TGM6: variants seen among roughly 807,000 people sequenced by gnomAD.
TGM6 encodes the protein protein-glutamine gamma-glutamyltransferase 6.
In TGM6, 74 loss-of-function variants were observed where a neutral mutation model predicts 77.5. The observed-to-expected ratio is 0.96, with a 90% confidence interval of 0.79 to 1.16. TGM6 has a LOEUF of 1.16. TGM6 is among the 50% of genes most tolerant of loss of function. TGM6 has a pLI of 0.00. For synonymous variants in TGM6, 383 were observed against 378.9 expected, an observed-to-expected ratio of 1.01 and a Z score of -0.12; for missense variants, 968 against 940.2, an observed-to-expected ratio of 1.03 and a Z score of -0.39.
At chr20:2,387,460 C>G (rs2084603870) in intron 1 of TGM6, among the ~76,000 whole-genome samples, 1 of 152,216 alleles carries the variant, frequency 6.6e-6, no homozygotes, top group Non-Finnish European at 1.5e-5. Context: ...TAGGAGCTCC[C>G]AATCTTGGGA....
intron 9 of TGM6, among the ~76,000 whole-genome samples, chr20:2,413,193 T>A (rs901853624): frequency 2.0e-5 from 3 of 152,188 alleles, no homozygotes; most frequent in Admixed American, 6.5e-5. Context: ...GGAGACTCCC[T>A]TCAGTTCAGG....
At position 2,420,994 on chromosome 20, in the gene TGM6, T is replaced by A. The variant is rs531594758; in HGVS notation, c.1678+3421T>A. Among the ~76,000 whole-genome samples, 48 of 152,200 alleles carry A rather than the reference T, an allele frequency of 3.2e-4. No individual in the cohort carries two copies. The South Asian group carries it at 8.9e-3, about 28-fold the overall frequency. Reference sequence around the variant, plus strand: ...GTGGGCTTGAGTTTTTAATTTTTTTTTTTTATTTTTTGAGACAGAGTCTCG... The same window carrying A: ...GTGGGCTTGAGTTTTTAATTTTTTTATTTTATTTTTTGAGACAGAGTCTCG... On this transcript the variant is annotated intron_variant, in intron 10 of 12. Coordinates refer to ENST00000202625, the MANE Select transcript of TGM6 (RefSeq NM_198994.3).
intron 7 of TGM6, among the ~76,000 whole-genome samples, chr20:2,402,839 T>TA (rs2084720745): frequency 6.6e-6 from 1 of 152,230 alleles, no homozygotes; most frequent in African/African-American, 2.4e-5. Flanking sequence ...ATCCCAGAGA[T>TA]ACTTAAATAC....
At chr20:2,397,260 G>A (rs577386635) in intron 4 of TGM6, among the ~76,000 whole-genome samples, 3 of 152,354 alleles carry the variant, frequency 2.0e-5, no homozygotes, top group East Asian at 1.9e-4. Flanking sequence ...AGAGCCGCAC[G>A]GACGTGGGAA....
At chr20:2,426,121 C>T (rs1217990249) in intron 10 of TGM6, among the ~76,000 whole-genome samples, 1 of 152,108 alleles carries the variant, frequency 6.6e-6, no homozygotes, top group African/African-American at 2.4e-5. Flanking sequence ...AATATTGAGC[C>T]TTTCTATCCA....
intron 1 of TGM6, among the ~76,000 whole-genome samples, chr20:2,393,750 C>T (rs2084643508): frequency 6.6e-6 from 1 of 152,044 alleles, no homozygotes; most frequent in South Asian, 2.1e-4. Context: ...TGGTCTCGAG[C>T]TCCTGAGCTT....
At chr20:2,413,112 A>G (rs1358315317) in intron 9 of TGM6, among the ~76,000 whole-genome samples, 2 of 152,192 alleles carry the variant, frequency 1.3e-5, no homozygotes, top group Non-Finnish European at 2.9e-5. Context: ...ATACTTCCCA[A>G]ATTCAAAACT....
intron 1 of TGM6, among the ~76,000 whole-genome samples, chr20:2,391,941 C>T (rs1361895740): frequency 6.6e-6 from 1 of 152,208 alleles, no homozygotes; most frequent in Non-Finnish European, 1.5e-5. Context: ...TGCCTAGCGC[C>T]ATAGCTGCTG....
intron 9 of TGM6, among the ~76,000 whole-genome samples, chr20:2,414,843 G>T (rs2084804268): frequency 6.8e-6 from 1 of 147,224 alleles, no homozygotes; most frequent in African/African-American, 2.5e-5. Flanking sequence ...AAATGTCCAG[G>T]ATAGGCAAAT....
At chr20:2,403,360 A>G (rs1289598289) in intron 7 of TGM6, 37 bp from the exon 8 acceptor site, 1 of 1,611,654 alleles carries the variant, frequency 6.2e-7, no homozygotes, top group South Asian at 1.1e-5. Context: ...CTATGCCCTC[A>G]CTCTAGGCAG....
At chr20:2,398,744 A>G (rs1398294418) in intron 5 of TGM6, among the ~76,000 whole-genome samples, 2 of 151,788 alleles carry the variant, frequency 1.3e-5, no homozygotes, top group Non-Finnish European at 2.9e-5. Flanking sequence ...ACATAGACCC[A>G]CCTCTCCGTG....
At chr20:2,414,761 C>T (rs1456330101) in intron 9 of TGM6, among the ~76,000 whole-genome samples, 1 of 152,076 alleles carries the variant, frequency 6.6e-6, no homozygotes, top group African/African-American at 2.4e-5. Flanking sequence ...ACAGTGTGAA[C>T]GAACCTTGAA....
At chr20:2,387,094 T>C (rs2084601464) in intron 1 of TGM6, among the ~76,000 whole-genome samples, 1 of 152,220 alleles carries the variant, frequency 6.6e-6, no homozygotes, top group South Asian at 2.1e-4. Flanking sequence ...CATTTCTGGG[T>C]CTCAGCTTAT....
intron 6 of TGM6, 95 bp downstream of exon 6, chr20:2,399,833 T>TG: frequency 2.7e-6 from 3 of 1,093,292 alleles, no homozygotes; most frequent in Non-Finnish European, 4.0e-6. Context: ...CAACCCATCT[T>TG]CATTGATGGA....
At position 2,394,577 on chromosome 20, in the gene TGM6, A is replaced by G; in HGVS notation, c.133A>G (p.Ser45Gly). 6.2e-7 allele frequency: 1 copy of G among 1,612,294 alleles called. No individual in the cohort carries two copies. Among genetic ancestry groups the G allele is most frequent in the Non-Finnish European group, 8.5e-7 (1 of 1,179,782 alleles). Residue 45 changes from serine to glycine, a missense_variant, in exon 2 of 13, where the codon AGC (serine) becomes GGC (glycine). Transcript: ENST00000202625. ...GQSFSLTLEL[S>G]RALDCEEILI... ...GTCGTTCAGCCTCACGCTGGAGCTG[A>G]GCAGAGCCCTGGACTGTGAGGAGAT...
chr20:2,423,202 T>C (rs1453404881), intron 10 of TGM6, among the ~76,000 whole-genome samples: 1 of 151,912 alleles, frequency 6.6e-6, no homozygotes, highest in East Asian at 1.9e-4. Context: ...TTTCTTAAAA[T>C]AAGACAACAA....
Position 2,403,785 on chromosome 20 carries a change from C to T in TGM6, c.1298C>T (p.Ser433Phe), listed in dbSNP as rs1343223374. ...AGCACCAAGGCGGTGGGCAGTGACT[C>T]CCGCGTGGACATCACTGACCTCTAC... Reference protein sequence around the residue: ...CISTKAVGSDSRVDITDLYKY... With the variant: ...CISTKAVGSDFRVDITDLYKY... The change falls in exon 9 of 13, where the codon TCC (serine) becomes TTC (phenylalanine). Residue 433 changes from serine (S) to phenylalanine (F), a missense_variant. Ser to Phe is a radical substitution (Grantham distance 155). Coordinates refer to ENST00000202625, the MANE Select transcript of TGM6 (RefSeq NM_198994.3). The T allele has an allele frequency of 6.2e-7, 1 of 1,614,180 alleles. No individual in the cohort carries two copies. The highest frequency in any genetic ancestry group is 8.5e-7 in the Non-Finnish European group (1 of 1,180,046).
At chr20:2,424,728 C>G (rs759679800) in intron 10 of TGM6, among the ~76,000 whole-genome samples, 1 of 152,208 alleles carries the variant, frequency 6.6e-6, no homozygotes, top group South Asian at 2.1e-4. Flanking sequence ...AGAGGCCTAG[C>G]TTTTGGCCCA....
intron 1 of TGM6, among the ~76,000 whole-genome samples, chr20:2,384,774 C>G (rs1217043349): frequency 6.6e-6 from 1 of 152,130 alleles, no homozygotes; most frequent in Non-Finnish European, 1.5e-5. Context: ...GGGAGGAGAG[C>G]AGACAAGCTG....
Sources: gnomAD v4.1 joint callset for allele counts (sites outside exome capture counted in the v4.1 genomes callset) on GRCh38, gnomAD v4.1.1 for gene constraint, MANE v1.5 for transcripts, NCBI Gene and HGNC (gene_info 2026-07-23, HGNC 2026-07-21) for gene names.